Variants in PIBF1 observed in about 807,000 individuals in gnomAD.
The protein encoded by PIBF1 is progesterone immunomodulatory binding factor 1, also known as progesterone-induced-blocking factor 1.
Under a neutral mutation model 112.5 loss-of-function variants are expected in PIBF1, and 90 were observed. That is an observed-to-expected ratio of 0.80 (90% confidence interval 0.67 to 0.95). The LOEUF is 0.95. Among genes scored for constraint, PIBF1 ranks in the 40% least tolerant of loss-of-function variants. The probability of loss-of-function intolerance (pLI) is 0.00; values close to 1 mark genes in which losing one functional copy is unlikely to be tolerated. For missense variants in PIBF1, 915 were observed against 852.3 expected, an observed-to-expected ratio of 1.07 and a Z score of -0.92; for synonymous variants, 301 against 288.6, an observed-to-expected ratio of 1.04 and a Z score of -0.44.
At chr13:72,891,326 T>G (rs778892708) in intron 10 of PIBF1, among the ~76,000 whole-genome samples, 8 of 152,132 alleles carry the variant, frequency 5.3e-5, no homozygotes, top group Non-Finnish European at 1.2e-4. Flanking sequence ...CATTCTAAAT[T>G]ACTTATCCAG....
At chr13:72,869,341 T>TGCC (rs1046581810) in intron 10 of PIBF1, among the ~76,000 whole-genome samples, 2 of 151,806 alleles carry the variant, frequency 1.3e-5, no homozygotes, top group African/African-American at 4.8e-5. Context: ...TTGGAAATCA[T>TGCC]CATTCTCAGT....
chr13:72,855,942 G>C (rs1156701272), intron 10 of PIBF1, among the ~76,000 whole-genome samples: 2 of 152,128 alleles, frequency 1.3e-5, no homozygotes, highest in Non-Finnish European at 2.9e-5. Flanking sequence ...ATATTACCTA[G>C]TAAATCAGAA....
rs1287778285 is a variant in PIBF1, at chr13:72,827,903, T to C, written c.1086T>C (p.Tyr362=). 1.3e-6 allele frequency: 2 copies of C among 1,569,516 alleles called. No homozygotes were observed. Among genetic ancestry groups the C allele is most frequent in the Admixed American group, 1.9e-5 (1 of 53,974 alleles). Residue 362 remains tyrosine (Y), a synonymous_variant, in exon 8 of 18, where the codon TAT becomes TAC. Coordinates refer to ENST00000326291, the MANE Select transcript of PIBF1 (RefSeq NM_006346.4). ...CTAGAGAAGAGATGTATGAAAAATA[T>C]GTAGCATCCAGGCAAGATTTGCATT... ...KKAREEMYEK[Y]VASRDHYKTE...
intron 13 of PIBF1, among the ~76,000 whole-genome samples, chr13:72,928,720 G>T (rs891506982): frequency 2.0e-5 from 3 of 152,316 alleles, no homozygotes; most frequent in Non-Finnish European, 2.9e-5. Flanking sequence ...GATTATAGGC[G>T]TGAGCCACCT....
intron 11 of PIBF1, among the ~76,000 whole-genome samples, chr13:72,896,372 C>G (rs1347233105): frequency 6.6e-6 from 1 of 152,106 alleles, no homozygotes; most frequent in Non-Finnish European, 1.5e-5. Flanking sequence ...AAAACCAACC[C>G]TGGTAATATA....
intron 14 of PIBF1, among the ~76,000 whole-genome samples, chr13:72,952,634 GTT>G (rs34543352): frequency 2.5e-4 from 34 of 138,454 alleles, no homozygotes; most frequent in South Asian, 1.1e-3. Flanking sequence ...ATTCAACTGA[GTT>G]TTTTTTTTTT....
At chr13:72,865,177 T>G (rs150833955) in intron 10 of PIBF1, among the ~76,000 whole-genome samples, 2 of 152,282 alleles carry the variant, frequency 1.3e-5, no homozygotes, top group African/African-American at 4.8e-5. Flanking sequence ...GAATATATGA[T>G]GTATCCTAGA....
chr13:72,830,220 A>C (rs1363071421), intron 8 of PIBF1, among the ~76,000 whole-genome samples: 1 of 152,200 alleles, frequency 6.6e-6, no homozygotes, highest in African/African-American at 2.4e-5. Context: ...GTCATCAACG[A>C]ACTGAGACAA....
At chr13:72,808,484 G>T (rs1416243589) in intron 5 of PIBF1, among the ~76,000 whole-genome samples, 1 of 152,184 alleles carries the variant, frequency 6.6e-6, no homozygotes, top group Non-Finnish European at 1.5e-5. Flanking sequence ...TTGAGACTCT[G>T]CATTTTATGT....
At chr13:72,989,090 CA>C (rs1566523651) in intron 16 of PIBF1, among the ~76,000 whole-genome samples, 2 of 152,052 alleles carry the variant, frequency 1.3e-5, no homozygotes, top group East Asian at 1.9e-4. Flanking sequence ...TAATATATAT[CA>C]GGGGGAAAAT....
chr13:73,006,889 T>C (rs1391397940), intron 17 of PIBF1, among the ~76,000 whole-genome samples: 5 of 152,156 alleles, frequency 3.3e-5, no homozygotes, highest in Non-Finnish European at 7.4e-5. Context: ...CCAGTTAGTC[T>C]TGTCATTTGT....
At chr13:72,894,118 G>A (rs1262716200) in intron 11 of PIBF1, among the ~76,000 whole-genome samples, 169 bp downstream of exon 11, 1 of 142,786 alleles carries the variant, frequency 7.0e-6, no homozygotes, top group Non-Finnish European at 1.5e-5. Context: ...ATACTGAAAA[G>A]GACTAGAATT....
At chr13:73,000,808 C>T (rs2043838266) in intron 17 of PIBF1, among the ~76,000 whole-genome samples, 1 of 152,156 alleles carries the variant, frequency 6.6e-6, no homozygotes. Flanking sequence ...TATAATCAAT[C>T]AGTACATGAG....
intron 13 of PIBF1, among the ~76,000 whole-genome samples, chr13:72,920,891 A>G (rs2041263500): frequency 6.6e-6 from 1 of 152,188 alleles, no homozygotes; most frequent in Non-Finnish European, 1.5e-5. Flanking sequence ...TATGCAAAAT[A>G]AAGTTTTCAT....
chr13:73,006,185 C>T (rs2044029242), intron 17 of PIBF1, among the ~76,000 whole-genome samples: 1 of 152,166 alleles, frequency 6.6e-6, no homozygotes, highest in African/African-American at 2.4e-5. Flanking sequence ...TCCCAAAGTG[C>T]TGGGATTACA....
At chr13:72,879,924 CT>C (rs1354695094) in intron 10 of PIBF1, among the ~76,000 whole-genome samples, 2 of 152,326 alleles carry the variant, frequency 1.3e-5, no homozygotes, top group East Asian at 3.9e-4. Flanking sequence ...TGCTTTTATG[CT>C]ACAACCGCAC....
chr13:73,000,658 C>T (rs774586075), intron 17 of PIBF1, among the ~76,000 whole-genome samples: 43 of 152,192 alleles, frequency 2.8e-4, no homozygotes, highest in Non-Finnish European at 4.4e-4. Flanking sequence ...CAGCTGAATA[C>T]TTAAAGCCTG....
chr13:72,951,541 G>A (rs1437870200), intron 14 of PIBF1, among the ~76,000 whole-genome samples: 2 of 152,052 alleles, frequency 1.3e-5, no homozygotes, highest in East Asian at 3.9e-4. Flanking sequence ...AAGAGAAAAG[G>A]TAACGTTTAA....
At chr13:72,951,496 T>C (rs1211726593) in intron 14 of PIBF1, among the ~76,000 whole-genome samples, 2 of 152,176 alleles carry the variant, frequency 1.3e-5, no homozygotes, top group African/African-American at 4.8e-5. Flanking sequence ...ACAGATTGTG[T>C]CTTATAATAT....
Sources: allele counts gnomAD v4.1 joint callset (sites outside exome capture counted in the v4.1 genomes callset), GRCh38; gene constraint gnomAD v4.1.1; transcripts MANE v1.5; gene names NCBI Gene and HGNC (gene_info 2026-07-23, HGNC 2026-07-21).